The following RGS10 variants were observed in gnomAD, a reference collection of about 807,000 sequenced individuals.
RGS10 encodes the protein regulator of G-protein signalling 10.
RGS10 carries 11 observed loss-of-function variants against 23.5 expected under a neutral mutation model. The ratio of observed to expected loss-of-function variants is 0.47; its 90% CI spans 0.29 to 0.77. The LOEUF is 0.77. Ranked by LOEUF, RGS10 falls within the 30% of genes least tolerant of loss-of-function variation. RGS10 has a pLI of 0.08. For synonymous variants in RGS10, 77 were observed against 83.2 expected, an observed-to-expected ratio of 0.92 and a Z score of 0.41; for missense variants, 180 against 226.3, an observed-to-expected ratio of 0.80 and a Z score of 1.31.
chr10:119,532,607 C>T (rs989959922), intron 1 of RGS10, among the ~76,000 whole-genome samples: 8 of 152,112 alleles, frequency 5.3e-5, no homozygotes, highest in Admixed American at 2.0e-4. Context: ...TTTGGGAGGA[C>T]GAGATGGGCA....
At chr10:119,509,095 A>T (rs1208305091) in intron 4 of RGS10, among the ~76,000 whole-genome samples, 2 of 151,642 alleles carry the variant, frequency 1.3e-5, no homozygotes, top group Non-Finnish European at 2.9e-5. Flanking sequence ...AGGGAGACCC[A>T]GTATAAAAAA....
In RGS10 at chr10:119,521,568, T is replaced by TA. The variant is rs1367087408; in HGVS notation, c.255+4463dup. The stretch of plus-strand genomic sequence containing the variant: ...CTGGGCAACAAGAGCGAAACCCCAT[T>TA]AAAAAAAAAAAGAAAGAAAGGAAGG... On this transcript the variant is annotated intron_variant, in intron 3 of 4. Transcript: ENST00000369103. Among the ~76,000 whole-genome samples the TA allele has an allele frequency of 6.7e-3, 578 of 86,756 alleles. 5 individuals carry two copies. The highest frequency in any genetic ancestry group is 0.021 in the African/African-American group (446 of 21,518). 56.9% of individuals were successfully genotyped at this position (86,756 alleles called of 152,430 possible).
chr10:119,537,658 A>C (rs917470581), intron 1 of RGS10, among the ~76,000 whole-genome samples: 2 of 152,142 alleles, frequency 1.3e-5, no homozygotes, highest in African/African-American at 4.8e-5. Flanking sequence ...CAGAACTTAA[A>C]ATGAATTGAG....
intron 4 of RGS10, among the ~76,000 whole-genome samples, chr10:119,503,500 T>C (rs1843975097): frequency 6.6e-6 from 1 of 152,166 alleles, no homozygotes; most frequent in Non-Finnish European, 1.5e-5. Flanking sequence ...AATCGTGCGC[T>C]GTGCAGCAGC....
At chr10:119,534,673 G>T (rs1246964602) in intron 1 of RGS10, among the ~76,000 whole-genome samples, 2 of 149,374 alleles carry the variant, frequency 1.3e-5, no homozygotes, top group Non-Finnish European at 3.0e-5. Context: ...GGCAGATCAC[G>T]AGGTCAAGAG....
At chr10:119,525,755 C>T (rs757146798) in intron 3 of RGS10, among the ~76,000 whole-genome samples, 3 of 152,128 alleles carry the variant, frequency 2.0e-5, no homozygotes, top group Non-Finnish European at 4.4e-5. Flanking sequence ...ATAACTTATT[C>T]ATGAAGAAAA....
chr10:119,502,431 C>T (rs116870185), intron 4 of RGS10, among the ~76,000 whole-genome samples: 5,852 of 152,320 alleles, frequency 0.038, 236 homozygotes, highest in East Asian at 0.2. Flanking sequence ...CCCAGGTCCA[C>T]GCAGATGGGA....
Position 119,517,116 on chromosome 10 carries a change from T to G in RGS10, c.256-1464A>C, listed in dbSNP as rs1443650696. Among the ~76,000 whole-genome samples, 1 of 152,190 alleles carries G rather than the reference T, an allele frequency of 6.6e-6. No homozygotes were observed. The highest frequency in any genetic ancestry group is 1.5e-5 in the Non-Finnish European group (1 of 68,020). On this transcript the variant is annotated intron_variant, in intron 3 of 4. Coordinates refer to ENST00000369103, the MANE Select transcript of RGS10 (RefSeq NM_001005339.2). The surrounding 1 kb of genome is among the most constrained non-coding windows in gnomAD (Gnocchi z 5.0). ...CCAAGCTCTGCAAACCTTCTGCCCT[T>G]AAGGAAACCACCAGAAGGTTTTGAT...
chr10:119,512,597 G>T (rs1334376791), intron 4 of RGS10, among the ~76,000 whole-genome samples: 2 of 152,074 alleles, frequency 1.3e-5, no homozygotes, highest in Middle Eastern at 6.3e-3. Context: ...GCTCAGGCTG[G>T]AGTGCAGTGG....
rs1342775573 is a variant in RGS10, at chr10:119,524,333, G to A, written c.255+1699C>T. On this transcript the variant is annotated intron_variant, in intron 3 of 4. Transcript: ENST00000369103. This position sits in a 1 kb window ranked among gnomAD's most constrained non-coding sequence, Gnocchi z 5.2. ...GCAGACAACAACGGGTGACTTCAGGGAGCTAGTTCAAGTCCTAGCTCTGCC... is the reference window on the plus strand; with the variant it reads ...GCAGACAACAACGGGTGACTTCAGGAAGCTAGTTCAAGTCCTAGCTCTGCC... Among the ~76,000 whole-genome samples, 1 of 152,168 alleles carries A rather than the reference G, an allele frequency of 6.6e-6. No homozygotes were observed. The highest frequency in any genetic ancestry group is 1.5e-5 in the Non-Finnish European group (1 of 68,038).
intron 1 of RGS10, among the ~76,000 whole-genome samples, chr10:119,534,461 C>T (rs1271402184): frequency 1.3e-5 from 2 of 149,288 alleles, no homozygotes; most frequent in African/African-American, 4.9e-5. Flanking sequence ...CATGGTAGCA[C>T]GTGCCTATAG....
chr10:119,525,625 C>T (rs1000163449), intron 3 of RGS10, among the ~76,000 whole-genome samples: 1 of 152,196 alleles, frequency 6.6e-6, no homozygotes, highest in African/African-American at 2.4e-5. Context: ...ACGCTCAGTA[C>T]GATACACTGA....
At chr10:119,518,478 G>A (rs971942600) in intron 3 of RGS10, among the ~76,000 whole-genome samples, 2 of 152,156 alleles carry the variant, frequency 1.3e-5, no homozygotes, top group African/African-American at 4.8e-5. Context: ...CTCGAACCCG[G>A]CTCCCTGCAG....
chr10:119,502,710 G>A (rs1357695475), intron 4 of RGS10, among the ~76,000 whole-genome samples: 1 of 152,104 alleles, frequency 6.6e-6, no homozygotes, highest in Non-Finnish European at 1.5e-5. Flanking sequence ...CAAGCCTGAG[G>A]GGAGGGGGCT....
intron 3 of RGS10, among the ~76,000 whole-genome samples, chr10:119,521,585 AAAGG>A (rs1291472975): frequency 4.7e-4 from 69 of 145,548 alleles, no homozygotes; most frequent in African/African-American, 7.6e-4. Context: ...AAAAAGAAAG[AAAGG>A]AAGGAAGGAA....
intron 1 of RGS10, among the ~76,000 whole-genome samples, chr10:119,532,482 A>G (rs1470745390): frequency 2.0e-5 from 3 of 152,194 alleles, no homozygotes; most frequent in Non-Finnish European, 4.4e-5. Flanking sequence ...TGGGAGGCCA[A>G]GGCAGGCAGA....
At chr10:119,512,959 A>T (rs925245165) in intron 4 of RGS10, among the ~76,000 whole-genome samples, 17 of 152,224 alleles carry the variant, frequency 1.1e-4, no homozygotes, top group African/African-American at 3.9e-4. Context: ...TATTACACTT[A>T]TTAGGCCACA....
intron 4 of RGS10, among the ~76,000 whole-genome samples, chr10:119,512,999 T>C (rs1205900055): frequency 6.6e-6 from 1 of 152,214 alleles, no homozygotes; most frequent in African/African-American, 2.4e-5. Flanking sequence ...TATGTGTATT[T>C]ATAGAAAAAA....
At chr10:119,502,133 G>GA (rs147870396) in intron 4 of RGS10, among the ~76,000 whole-genome samples, 174 of 145,978 alleles carry the variant, frequency 1.2e-3, no homozygotes, top group African/African-American at 2.3e-3. Flanking sequence ...GAGGTTTACA[G>GA]AAAAAAAAAA....
Sources: allele counts gnomAD v4.1 joint callset (sites outside exome capture counted in the v4.1 genomes callset), GRCh38; gene constraint gnomAD v4.1.1; non-coding constraint Gnocchi (gnomAD v3.1); transcripts MANE v1.5; gene names NCBI Gene and HGNC (gene_info 2026-07-23, HGNC 2026-07-21).